CHD2: variants seen among roughly 807,000 people sequenced by gnomAD.
CHD2 encodes chromodomain helicase DNA binding protein 2.
A neutral mutation model predicts 243.9 loss-of-function variants in CHD2; 28 were observed. That is an observed-to-expected ratio of 0.11 (90% CI 0.09 to 0.16). CHD2 has a LOEUF of 0.16. Among genes scored for constraint, CHD2 ranks in the 10% least tolerant of loss-of-function variants. CHD2 has a pLI of 1.00. For synonymous variants in CHD2, 775 were observed against 779.0 expected (o/e 0.99, Z 0.09); for missense variants, 1,386 against 2,209.8 (o/e 0.63, Z 7.47).
intron 28 of CHD2, among the ~76,000 whole-genome samples, chr15:92,995,822 C>T (rs1173641433): frequency 3.3e-5 from 5 of 152,146 alleles, no homozygotes; most frequent in African/African-American, 4.8e-5. Flanking sequence ...TACTTTGCTT[C>T]GATATTCCCA....
chr15:92,997,443 G>T lies in CHD2; in HGVS notation c.3885+40G>T, dbSNP rs1340277177. 1 of 1,496,168 alleles carries T rather than the reference G, an allele frequency of 6.7e-7. No individual in the cohort carries two copies. Among genetic ancestry groups the T allele is most frequent in the South Asian group, 1.4e-5 (1 of 71,936 alleles). 92.7% of individuals were successfully genotyped at this position (1,496,168 alleles called of 1,614,324 possible). ...CATGCTAGAGATTTCTAGAAGATTT[G>T]TTGTGTAATATTTTTATATCGATTA... On this transcript the variant is annotated intron_variant, in intron 30 of 38. Coordinates refer to ENST00000394196, the MANE Select transcript of CHD2 (RefSeq NM_001271.4). The surrounding 1 kb of genome is among the most constrained non-coding windows in gnomAD (Gnocchi z 4.1).
At chr15:92,901,329 TC>T in intron 2 of CHD2, 30 bp downstream of exon 2, 1 of 1,464,126 alleles carries the variant, frequency 6.8e-7, no homozygotes, top group Non-Finnish European at 9.5e-7. Flanking sequence ...TTCCTTTTTG[TC>T]TTTTTTTTTG....
rs1293694577 is a variant in CHD2, at chr15:92,955,926, A to G, written c.1809+414A>G. ...AGGCATTTCCTATTGTATCATTGTT[A>G]AGGCATTTCTCCAGAAAAGATGATG... On this transcript the variant is annotated intron_variant, in intron 15 of 38. Transcript: ENST00000394196. Among the ~76,000 whole-genome samples the G allele has an allele frequency of 2.0e-5, 3 of 152,218 alleles. No homozygotes were observed. In the East Asian group the frequency reaches 5.8e-4, roughly 29 times the overall value.
chr15:92,989,300 C>T (rs987901155), intron 26 of CHD2, among the ~76,000 whole-genome samples: 3 of 151,922 alleles, frequency 2.0e-5, no homozygotes, highest in Non-Finnish European at 4.4e-5. Flanking sequence ...CCAAAGTGCT[C>T]GGATTACAGG....
intron 6 of CHD2, among the ~76,000 whole-genome samples, chr15:92,937,976 T>G (rs1456929884): frequency 2.0e-5 from 3 of 152,158 alleles, no homozygotes; most frequent in Admixed American, 6.5e-5. Flanking sequence ...CTATATAACA[T>G]TAAACAAATA....
chr15:93,024,633 T>C lies in CHD2; in HGVS notation c.5415T>C (p.His1805=). ...ACGATTCCAAGTCACCCCTGGATCATAGGTCTCCTTTGGAGAGATCACTAG... is the reference window on the plus strand; with the variant it reads ...ACGATTCCAAGTCACCCCTGGATCACAGGTCTCCTTTGGAGAGATCACTAG... ...SPHDSKSPLD[H]RSPLERSLEQ... The change falls in exon 39 of 39, where the codon CAT becomes CAC. Residue 1805 remains histidine (H), a synonymous_variant. Coordinates refer to ENST00000394196, the MANE Select transcript of CHD2 (RefSeq NM_001271.4). 1 of 1,614,220 alleles carries C rather than the reference T, an allele frequency of 6.2e-7. No homozygotes were observed. The highest frequency in any genetic ancestry group is 8.5e-7 in the Non-Finnish European group (1 of 1,180,042).
At chr15:92,928,938 T>A in intron 4 of CHD2, 92 bp from the exon 5 acceptor site, 6 of 1,193,810 alleles carry the variant, frequency 5.0e-6, no homozygotes, top group Non-Finnish European at 7.2e-6. Flanking sequence ...AATAATGGTA[T>A]ATTGAGTAGA....
At chr15:93,004,992 G>A (rs545910172) in intron 34 of CHD2, among the ~76,000 whole-genome samples, 2 of 152,268 alleles carry the variant, frequency 1.3e-5, no homozygotes, top group African/African-American at 4.8e-5. Flanking sequence ...TCCTAGTTAA[G>A]AGAGGCTCTC....
intron 19 of CHD2, among the ~76,000 whole-genome samples, chr15:92,973,625 A>G (rs964856111): frequency 2.0e-5 from 3 of 152,194 alleles, no homozygotes; most frequent in African/African-American, 4.8e-5. Context: ...GTCTTAGAAT[A>G]TAGCTTAAGG....
At chr15:92,994,075 G>A (rs143223615) in intron 28 of CHD2, among the ~76,000 whole-genome samples, 1 of 152,322 alleles carries the variant, frequency 6.6e-6, no homozygotes, top group African/African-American at 2.4e-5. Context: ...TTTGGGGACA[G>A]CCTTTACTTA....
Position 93,024,420 on chromosome 15 carries a change from A to T in CHD2, c.5202A>T (p.Gln1734His). ...KRRRSDEFRP[Q>H]NYHQQDFRRM... ...GGAGATCCGATGAATTTAGGCCTCA[A>T]AATTACCACCAGCAGGATTTCCGAC... The change falls in exon 39 of 39, where the codon CAA (glutamine) becomes CAT (histidine). Residue 1734 changes from glutamine to histidine, a missense_variant. Gln to His is a conservative substitution (Grantham distance 24, BLOSUM62 0). Around this residue, in one of 19 missense-constraint regions of CHD2, gnomAD observed 347 missense variants for 341.6 expected, o/e 1.02. Transcript: ENST00000394196. The T allele has an allele frequency of 6.2e-7, 1 of 1,614,148 alleles. No individual in the cohort carries two copies. Among genetic ancestry groups the T allele is most frequent in the Non-Finnish European group, 8.5e-7 (1 of 1,180,016 alleles).
intron 36 of CHD2, among the ~76,000 whole-genome samples, chr15:93,014,358 G>A (rs2054432063): frequency 6.6e-6 from 1 of 152,298 alleles, no homozygotes; most frequent in South Asian, 2.1e-4. Context: ...TGGAAAGTTG[G>A]TAGTCTTGGT....
chr15:92,902,660 T>TA (rs1224888592), intron 2 of CHD2: 1 of 152,426 alleles, frequency 6.6e-6, no homozygotes, highest in Admixed American at 6.5e-5. Flanking sequence ...TGTAAATTAC[T>TA]AGATTAAATT....
intron 37 of CHD2, among the ~76,000 whole-genome samples, chr15:93,018,147 AG>A (rs2054486722): frequency 6.6e-6 from 1 of 152,256 alleles, no homozygotes; most frequent in African/African-American, 2.4e-5. Flanking sequence ...ACACCCTGTT[AG>A]AAATCTCACT....
At chr15:92,984,302 T>C (rs1567152188) in intron 24 of CHD2, 28 bp from the exon 25 acceptor site, 1 of 1,486,630 alleles carries the variant, frequency 6.7e-7, no homozygotes, top group East Asian at 2.4e-5. Flanking sequence ...AATAGGGAAA[T>C]GTCAGACAAT....
chr15:92,997,094 A>C lies in CHD2; in HGVS notation c.3733A>C (p.Lys1245Gln), dbSNP rs2054197954. The stretch of plus-strand genomic sequence containing the variant: ...CCCTGTGGACCCTGAAGAAAAAAAA[A>C]AGTGAGTATATTTTGTGTACATGCT... ...SIPVDPEEKK[K>Q]YCLTCRVKAA... Residue 1245 changes from lysine to glutamine, a missense_variant and splice_region_variant, in exon 29 of 39, where the codon AAA (lysine) becomes CAA (glutamine). Lys to Gln is a moderately conservative substitution (Grantham distance 53, BLOSUM62 1). Transcript: ENST00000394196. This position sits in a 1 kb window ranked among gnomAD's most constrained non-coding sequence, Gnocchi z 4.1. 6.2e-7 allele frequency: 1 copy of C among 1,605,292 alleles called. No homozygotes were observed. Among genetic ancestry groups the C allele is most frequent in the Non-Finnish European group, 8.5e-7 (1 of 1,177,858 alleles).
intron 17 of CHD2, 70 bp downstream of exon 17, chr15:92,967,583 T>G: frequency 8.8e-7 from 1 of 1,135,630 alleles, no homozygotes; most frequent in Non-Finnish European, 1.2e-6. Context: ...ATAGGAGATA[T>G]ATATATATAC....
intron 17 of CHD2, among the ~76,000 whole-genome samples, chr15:92,968,673 G>A (rs1411111970): frequency 6.6e-6 from 1 of 152,192 alleles, no homozygotes; most frequent in African/African-American, 2.4e-5. Context: ...AGGAAAGGCA[G>A]AATAAGATTC....
At chr15:92,928,929 A>T in intron 4 of CHD2, 101 bp from the exon 5 acceptor site, 1 of 1,064,534 alleles carries the variant, frequency 9.4e-7, no homozygotes, top group Non-Finnish European at 1.4e-6. Flanking sequence ...CTCATATTGA[A>T]TAATGGTATA....
Sources: gnomAD v4.1 joint callset for allele counts (sites outside exome capture counted in the v4.1 genomes callset) on GRCh38, gnomAD v4.1.1 for gene constraint, gnomAD v4.1.1 regional missense constraint, Gnocchi (gnomAD v3.1) non-coding constraint, MANE v1.5 for transcripts, NCBI Gene and HGNC (gene_info 2026-07-23, HGNC 2026-07-21) for gene names.